OR51B5: variants seen among roughly 807,000 people sequenced by gnomAD.
OR51B5 encodes olfactory receptor 51B5.
For missense variants in OR51B5, 456 were observed against 374.6 expected, an observed-to-expected ratio of 1.22 and a Z score of -1.79; for synonymous variants, 186 against 144.8, an observed-to-expected ratio of 1.28 and a Z score of -2.04.
chr11:5,374,052 C>A (rs902079020), intron 1 of OR51B5, among the ~76,000 whole-genome samples: 1 of 152,158 alleles, frequency 6.6e-6, no homozygotes, highest in African/African-American at 2.4e-5. Flanking sequence ...GACCCCTGAC[C>A]CCCGAGCAGC....
chr11:5,376,726 C>T (rs1849534415), intron 1 of OR51B5, among the ~76,000 whole-genome samples: 1 of 151,882 alleles, frequency 6.6e-6, no homozygotes, highest in African/African-American at 2.4e-5. Flanking sequence ...TGGATAAATT[C>T]CTGGACACAT....
intron 1 of OR51B5, chr11:5,488,668 C>A (rs1271497912): frequency 7.5e-7 from 1 of 1,340,300 alleles, no homozygotes; most frequent in Non-Finnish European, 1.1e-6. Context: ...GCAAGCATAA[C>A]AATACTATTC....
In OR51B5 at chr11:5,415,545, A is replaced by G. The variant is rs922912870; in HGVS notation, n.85-68635T>C. Among the ~76,000 whole-genome samples, 6 of 152,270 alleles carry G rather than the reference A, an allele frequency of 3.9e-5. No individual in the cohort carries two copies. The South Asian group carries it at 1.0e-3, about 26-fold the overall frequency. On this transcript the variant is annotated intron_variant and non_coding_transcript_variant, in intron 1 of 4. Coordinates refer to the OR51B5 transcript ENST00000415970. ...GACAGCTAGCAAGACTAATAAAGAA[A>G]AAAAGAGAGAAGAATCAAATAGATG...
At chr11:5,376,118 G>T (rs1240614367) in intron 1 of OR51B5, among the ~76,000 whole-genome samples, 1 of 151,978 alleles carries the variant, frequency 6.6e-6, no homozygotes, top group African/African-American at 2.4e-5. Context: ...CTGTCTCTCA[G>T]ACCACAGTGC....
In OR51B5 at chr11:5,389,529, T is replaced by A. The variant is rs1399836252; in HGVS notation, n.85-42619A>T. 5 of 1,614,020 alleles carry A rather than the reference T, an allele frequency of 3.1e-6. No individual in the cohort carries two copies. The highest frequency in any genetic ancestry group is 4.2e-6 in the Non-Finnish European group (5 of 1,179,900). ...AAACACTGGATTTTCATCCCCTTTT[T>A]CTTTATGTACATGGTTGCCATCTCA... On this transcript the variant is annotated intron_variant and non_coding_transcript_variant, in intron 1 of 4. Coordinates refer to the OR51B5 transcript ENST00000415970.
chr11:5,445,727 G>C (rs1182785262), intron 1 of OR51B5, among the ~76,000 whole-genome samples: 1 of 151,028 alleles, frequency 6.6e-6, no homozygotes, highest in Non-Finnish European at 1.5e-5. Context: ...TGTAAGACTT[G>C]TGCAGTATAT....
At chr11:5,363,885 G>T (rs1008266079) in intron 1 of OR51B5, among the ~76,000 whole-genome samples, 4 of 152,078 alleles carry the variant, frequency 2.6e-5, no homozygotes, top group Non-Finnish European at 5.9e-5. Flanking sequence ...GCAAACCCCA[G>T]CCCCCACTCA....
chr11:5,492,871 G>C (rs1851600054), intron 1 of OR51B5, among the ~76,000 whole-genome samples: 1 of 152,100 alleles, frequency 6.6e-6, no homozygotes, highest in African/African-American at 2.4e-5. Context: ...CTGACCTCAA[G>C]TGATCCACCC....
intron 1 of OR51B5, among the ~76,000 whole-genome samples, chr11:5,500,293 T>C (rs1358291939): frequency 6.6e-6 from 1 of 152,202 alleles, no homozygotes; most frequent in Admixed American, 6.5e-5. Flanking sequence ...TAGTGCCCTA[T>C]GTGATCTGAA....
At chr11:5,489,587 T>C in intron 1 of OR51B5, 1 of 1,614,038 alleles carries the variant, frequency 6.2e-7, no homozygotes, top group Non-Finnish European at 8.5e-7. Flanking sequence ...CTCAATCCTA[T>C]TCTCTATGGA....
intron 1 of OR51B5, among the ~76,000 whole-genome samples, chr11:5,352,635 A>G (rs983455574): frequency 2.0e-5 from 3 of 152,104 alleles, no homozygotes; most frequent in African/African-American, 7.2e-5. Flanking sequence ...GCTGATTTGT[A>G]TAAGATATAT....
At chr11:5,465,278 T>A (rs1346240588) in intron 1 of OR51B5, among the ~76,000 whole-genome samples, 1 of 150,592 alleles carries the variant, frequency 6.6e-6, no homozygotes, top group Non-Finnish European at 1.5e-5. Context: ...GTTTCCTGAC[T>A]TTTTAATGAT....
At chr11:5,371,169 A>C (rs1849442108) in intron 1 of OR51B5, among the ~76,000 whole-genome samples, 1 of 152,214 alleles carries the variant, frequency 6.6e-6, no homozygotes, top group Non-Finnish European at 1.5e-5. Flanking sequence ...CATTCTGAGG[A>C]TATACAAGGG....
chr11:5,407,731 T>C (rs529339284), intron 1 of OR51B5, among the ~76,000 whole-genome samples: 1 of 152,100 alleles, frequency 6.6e-6, no homozygotes, highest in Non-Finnish European at 1.5e-5. Context: ...ACTGTACTTC[T>C]ATTCTCATGG....
chr11:5,482,308 G>T (rs202157125), intron 1 of OR51B5, among the ~76,000 whole-genome samples: 54 of 73,746 alleles, frequency 7.3e-4, no homozygotes, highest in South Asian at 1.6e-3. Context: ...GCCATATGTA[G>T]AAAGCTGAAA....
chr11:5,441,080 A>G, intron 1 of OR51B5: 1 of 1,614,040 alleles, frequency 6.2e-7, no homozygotes, highest in Non-Finnish European at 8.5e-7. Context: ...CCAGACCCAT[A>G]GCCAATATAC....
intron 1 of OR51B5, among the ~76,000 whole-genome samples, chr11:5,400,794 A>G (rs991956140): frequency 6.6e-5 from 10 of 152,236 alleles, no homozygotes; most frequent in African/African-American, 2.4e-4. Flanking sequence ...AAGGTCCTTG[A>G]CATAGAGGTG....
At chr11:5,422,935 C>T (rs755190962) in intron 1 of OR51B5, 2 of 1,614,040 alleles carry the variant, frequency 1.2e-6, no homozygotes, top group Non-Finnish European at 1.7e-6. Flanking sequence ...ACTGCCTGTC[C>T]CACATTCTAG....
chr11:5,342,743 C>G, exon 1 of OR51B5: 1 of 1,613,676 alleles, frequency 6.2e-7, no homozygotes, highest in Non-Finnish European at 8.5e-7. Context: ...CTTTCCAAAA[C>G]GATGAATCAG....
Sources: gnomAD v4.1 joint callset for allele counts (sites outside exome capture counted in the v4.1 genomes callset) on GRCh38, gnomAD v4.1.1 for gene constraint, MANE v1.5 for transcripts, NCBI Gene and HGNC (gene_info 2026-07-23, HGNC 2026-07-21) for gene names.